TMEM41B: variants seen among roughly 807,000 people sequenced by gnomAD.
TMEM41B encodes protein stasimon.
In TMEM41B, 18 loss-of-function variants were observed where a neutral mutation model predicts 31.9. The observed-to-expected ratio is 0.56, with a 90% confidence interval of 0.39 to 0.84. TMEM41B has a LOEUF of 0.84. Among genes scored for constraint, TMEM41B ranks in the 40% least tolerant of loss-of-function variants. The pLI is 0.00. For missense variants in TMEM41B, 322 were observed against 348.0 expected (o/e 0.93, Z 0.59); for synonymous variants, 144 against 124.3 (o/e 1.16, Z -1.05).
intron 1 of TMEM41B, among the ~76,000 whole-genome samples, chr11:9,312,238 G>A (rs1853576634): frequency 6.6e-6 from 1 of 152,150 alleles, no homozygotes; most frequent in South Asian, 2.1e-4. Flanking sequence ...TACTTATCTG[G>A]CAAAGCACAA....
At chr11:9,307,077 T>A (rs2133646470) in intron 1 of TMEM41B, among the ~76,000 whole-genome samples, 2 of 152,298 alleles carry the variant, frequency 1.3e-5, no homozygotes, top group South Asian at 4.1e-4. Context: ...CATAAATCCA[T>A]CCTGAAAAAT....
chr11:9,308,368 A>AAT (rs1256278131), intron 1 of TMEM41B, among the ~76,000 whole-genome samples: 1 of 152,076 alleles, frequency 6.6e-6, no homozygotes, highest in Non-Finnish European at 1.5e-5. Flanking sequence ...ATTTTAAATC[A>AAT]ATAAATCATT....
Position 9,285,088 on chromosome 11 carries a change from C to CTTT in TMEM41B, c.706+1364_706+1366dup, listed in dbSNP as rs11405419. ...TTTTCTTTTCATTCTTTCCTTCTTT[C>CTTT]TTTTTTTTTTTTTTTTGAGACAGTG... On this transcript the variant is annotated intron_variant, in intron 6 of 6. Coordinates refer to ENST00000528080, the MANE Select transcript of TMEM41B (RefSeq NM_015012.4). 8.6e-4 allele frequency among the ~76,000 whole-genome samples: 113 copies of CTTT among 131,204 alleles called. 2 individuals are homozygous for CTTT. The highest frequency in any genetic ancestry group is 2.6e-3 in the African/African-American group (93 of 35,122). 86.1% of individuals were successfully genotyped at this position (131,204 alleles called of 152,430 possible).
At chr11:9,286,230 A>G (rs1220922349) in intron 6 of TMEM41B, among the ~76,000 whole-genome samples, 1 of 152,220 alleles carries the variant, frequency 6.6e-6, no homozygotes, top group Non-Finnish European at 1.5e-5. Flanking sequence ...AAAACGATAT[A>G]CAGTAGAAAG....
chr11:9,300,442 G>A (rs371420646), intron 1 of TMEM41B, among the ~76,000 whole-genome samples: 9 of 152,170 alleles, frequency 5.9e-5, no homozygotes, highest in African/African-American at 1.9e-4. Context: ...AAATGCAACT[G>A]GTGAAATGTT....
At chr11:9,309,213 T>G (rs1301292327) in intron 1 of TMEM41B, among the ~76,000 whole-genome samples, 2 of 151,054 alleles carry the variant, frequency 1.3e-5, no homozygotes, top group Non-Finnish European at 3.0e-5. Context: ...ACCATTGCAC[T>G]CCAGCCTGGG....
chr11:9,308,848 G>T (rs1853463374), intron 1 of TMEM41B, among the ~76,000 whole-genome samples: 1 of 152,144 alleles, frequency 6.6e-6, no homozygotes, highest in Non-Finnish European at 1.5e-5. Flanking sequence ...GTAATACTAG[G>T]ACAAAGATTC....
At chr11:9,311,577 G>T in intron 1 of TMEM41B, 3 of 1,084,062 alleles carry the variant, frequency 2.8e-6, no homozygotes, top group East Asian at 2.4e-5. Context: ...ACAGGGGCCT[G>T]GGGGAAAGGG....
chr11:9,288,385 T>C (rs961673220), intron 4 of TMEM41B, 57 bp downstream of exon 4: 5 of 1,217,138 alleles, frequency 4.1e-6, no homozygotes, highest in Non-Finnish European at 5.8e-6. Context: ...AGTATCATCA[T>C]CATCCTCATC....
chr11:9,295,103 GATA>G, intron 3 of TMEM41B, 153 bp downstream of exon 3: 1 of 1,000,142 alleles, frequency 1.0e-6, no homozygotes, highest in Non-Finnish European at 1.3e-6. Context: ...GGATTAAAGT[GATA>G]ATTTTTTTCC....
At chr11:9,293,942 T>C (rs1325570374) in intron 3 of TMEM41B, among the ~76,000 whole-genome samples, 26 of 152,016 alleles carry the variant, frequency 1.7e-4, no homozygotes, top group Admixed American at 1.7e-3. Flanking sequence ...TGGCGGCTCA[T>C]GACTGAAATC....
At chr11:9,299,937 T>G (rs1446293948) in intron 1 of TMEM41B, among the ~76,000 whole-genome samples, 1 of 152,026 alleles carries the variant, frequency 6.6e-6, no homozygotes, top group Non-Finnish European at 1.5e-5. Flanking sequence ...CTCACCAACA[T>G]GGAGAAACTC....
intron 6 of TMEM41B, among the ~76,000 whole-genome samples, chr11:9,285,316 C>T (rs1852812661): frequency 6.6e-6 from 1 of 152,112 alleles, no homozygotes; most frequent in South Asian, 2.1e-4. Flanking sequence ...AACTCTTGAC[C>T]TTGTGATCCA....
At chr11:9,295,513 T>C (rs1853063915) in intron 2 of TMEM41B, 126 bp from the exon 3 acceptor site, 1 of 615,164 alleles carries the variant, frequency 1.6e-6, no homozygotes, top group East Asian at 3.0e-5. Flanking sequence ...AAATTAGCAA[T>C]GTTTAAGTTT....
At chr11:9,308,160 A>G (rs1320982810) in intron 1 of TMEM41B, among the ~76,000 whole-genome samples, 1 of 152,194 alleles carries the variant, frequency 6.6e-6, no homozygotes, top group Admixed American at 6.5e-5. Context: ...CACACTGGCC[A>G]ACATGGTAAA....
At chr11:9,306,542 C>A (rs1314853276) in intron 1 of TMEM41B, among the ~76,000 whole-genome samples, 1 of 152,044 alleles carries the variant, frequency 6.6e-6, no homozygotes, top group East Asian at 1.9e-4. Flanking sequence ...AAAAATTAGC[C>A]GGGCACAGTG....
intron 1 of TMEM41B, among the ~76,000 whole-genome samples, chr11:9,309,222 G>A (rs868684355): frequency 1.3e-5 from 2 of 149,926 alleles, no homozygotes; most frequent in Admixed American, 6.7e-5. Context: ...CTCCAGCCTG[G>A]GCAAAAAGAG....
chr11:9,296,493 G>C (rs1011900726), intron 2 of TMEM41B, among the ~76,000 whole-genome samples: 6 of 151,354 alleles, frequency 4.0e-5, no homozygotes, highest in Non-Finnish European at 7.4e-5. Context: ...GGGCATGGTG[G>C]TGCATGCCTG....
Position 9,313,371 on chromosome 11 carries a change from C to G in TMEM41B, c.121+950G>C, listed in dbSNP as rs564980812. ...ACATACTCTTAGAAGTTCTCCTAGC[C>G]ATCACTGGTGGTGGAACACACCTAT... is the stretch of plus-strand genomic sequence containing the variant. On this transcript the variant is annotated intron_variant, in intron 1 of 6. Transcript: ENST00000528080. Among the ~76,000 whole-genome samples, 7 of 152,304 alleles carry G rather than the reference C, an allele frequency of 4.6e-5. No individual in the cohort carries two copies. In the East Asian group the frequency reaches 1.3e-3, roughly 29 times the overall value.
Sources: gnomAD v4.1 joint callset for allele counts (sites outside exome capture counted in the v4.1 genomes callset) on GRCh38, gnomAD v4.1.1 for gene constraint, MANE v1.5 for transcripts, NCBI Gene and HGNC (gene_info 2026-07-23, HGNC 2026-07-21) for gene names.